Variants in PLOD2 observed in about 807,000 individuals in gnomAD.
PLOD2 encodes lysine hydroxylase 2.
In PLOD2, 65 loss-of-function variants were observed where a neutral mutation model predicts 101.0. The ratio of observed to expected loss-of-function variants is 0.64; its 90% CI spans 0.53 to 0.79. The LOEUF is 0.79. Among genes scored for constraint, PLOD2 ranks in the 30% least tolerant of loss-of-function variants. The pLI is 0.00. For synonymous variants in PLOD2, 314 were observed against 302.9 expected (o/e 1.04, Z -0.38); for missense variants, 909 against 914.6 (o/e 0.99, Z 0.08).
chr3:146,121,375 T>C (rs904545473), intron 2 of PLOD2, 127 bp from the exon 3 acceptor site: 25 of 800,576 alleles, frequency 3.1e-5, no homozygotes, highest in Non-Finnish European at 6.4e-6. Flanking sequence ...TTTCATGGAA[T>C]CATGATTCTA....
chr3:146,143,768 T>C lies in PLOD2; in HGVS notation c.109+17113A>G, dbSNP rs1012859242. On this transcript the variant is annotated intron_variant, in intron 1 of 19. Transcript: ENST00000282903. Reference sequence around the variant, plus strand: ...TCACCAACCAAAAGTCCAGATAAAATAACCTATTCTAATTCACACACATAT... The same window carrying C: ...TCACCAACCAAAAGTCCAGATAAAACAACCTATTCTAATTCACACACATAT... Among the ~76,000 whole-genome samples, 3 of 151,992 alleles carry C rather than the reference T, an allele frequency of 2.0e-5. No homozygotes were observed. The East Asian group carries it at 5.8e-4, about 29-fold the overall frequency.
intron 4 of PLOD2, among the ~76,000 whole-genome samples, chr3:146,107,526 G>A (rs529585922): frequency 1.3e-5 from 2 of 151,192 alleles, no homozygotes; most frequent in South Asian, 2.1e-4. Flanking sequence ...AAAAAAATAG[G>A]TCCAGGGAAA....
intron 7 of PLOD2, among the ~76,000 whole-genome samples, chr3:146,099,266 C>T (rs1474233226): frequency 2.0e-5 from 3 of 152,056 alleles, no homozygotes; most frequent in Admixed American, 2.0e-4. Flanking sequence ...GTGATATGTC[C>T]TTTAGTCACT....
At chr3:146,132,919 C>T (rs773339441) in intron 1 of PLOD2, among the ~76,000 whole-genome samples, 2 of 152,138 alleles carry the variant, frequency 1.3e-5, no homozygotes, top group Admixed American at 1.3e-4. Context: ...TAGCTCATGC[C>T]TGTAATCCCA....
chr3:146,104,168 T>C, intron 6 of PLOD2, 111 bp downstream of exon 6: 1 of 760,488 alleles, frequency 1.3e-6, no homozygotes, highest in Admixed American at 1.8e-5. Flanking sequence ...TTACAATATT[T>C]ACACTGTCGA....
At chr3:146,100,021 A>G (rs1937331128) in intron 7 of PLOD2, among the ~76,000 whole-genome samples, 1 of 151,758 alleles carries the variant, frequency 6.6e-6, no homozygotes, top group African/African-American at 2.4e-5. Flanking sequence ...AGCTGGGATT[A>G]AAGGCATGTG....
intron 1 of PLOD2, among the ~76,000 whole-genome samples, chr3:146,152,651 G>C (rs2032114426): frequency 1.3e-5 from 2 of 152,264 alleles, no homozygotes; most frequent in Admixed American, 1.3e-4. Context: ...AGAAACGCTG[G>C]ACAAGGACAC....
At chr3:146,085,399 G>C (rs1346335286) in intron 10 of PLOD2, 126 bp from the exon 11 acceptor site, 8 of 672,570 alleles carry the variant, frequency 1.2e-5, no homozygotes. Flanking sequence ...GATCAAAATA[G>C]TGGAACAATA....
chr3:146,081,847 G>A lies in PLOD2; in HGVS notation c.1249C>T (p.Leu417Phe), dbSNP rs761902057. ...IEQNRKIIAPLVTRHGKLWSN... is the reference protein window; with the variant it reads ...IEQNRKIIAPFVTRHGKLWSN... ...CACAGCTTTCCATGACGAGTTACAAGAGGAGCAATGATCTTTCTAAAGACA... is the reference window on the plus strand; with the variant it reads ...CACAGCTTTCCATGACGAGTTACAAAAGGAGCAATGATCTTTCTAAAGACA... The change falls in exon 12 of 20, where the codon CTT (leucine) becomes TTT (phenylalanine). Residue 417 changes from leucine to phenylalanine, a missense_variant. By Grantham distance (22) the Leu-to-Phe change is conservative. Transcript: ENST00000282903. 1.9e-6 allele frequency: 3 copies of A among 1,612,578 alleles called. No individual in the cohort carries two copies. The highest frequency in any genetic ancestry group is 1.7e-6 in the Non-Finnish European group (2 of 1,178,842).
chr3:146,090,994 A>G (rs1490332335), intron 8 of PLOD2, among the ~76,000 whole-genome samples: 1 of 151,896 alleles, frequency 6.6e-6, no homozygotes. Context: ...TTTTGGAATA[A>G]AAATGTTGTT....
intron 1 of PLOD2, among the ~76,000 whole-genome samples, chr3:146,126,263 G>T (rs2030551023): frequency 6.6e-6 from 1 of 151,982 alleles, no homozygotes; most frequent in Non-Finnish European, 1.5e-5. Flanking sequence ...TTAAAGAAAG[G>T]TCTGGTTAGT....
intron 7 of PLOD2, among the ~76,000 whole-genome samples, chr3:146,101,089 A>C (rs1030272588): frequency 1.3e-5 from 2 of 152,186 alleles, no homozygotes; most frequent in Non-Finnish European, 2.9e-5. Flanking sequence ...CTGGGTTATA[A>C]GGGGAGGTAA....
Position 146,088,576 on chromosome 3 carries a change from A to G in PLOD2, c.1005+10T>C. The stretch of plus-strand genomic sequence containing the variant: ...TTTTGACATAAAATATTCATTTCTC[A>G]AATACTTACTTTGTTATGAATAAAA... On this transcript the variant is annotated intron_variant, in intron 9 of 19. Transcript: ENST00000282903. The G allele has an allele frequency of 3.3e-6, 5 of 1,529,170 alleles. No homozygotes were observed. The highest frequency in any genetic ancestry group is 9.0e-7 in the Non-Finnish European group (1 of 1,105,448). 94.7% of individuals were successfully genotyped at this position (1,529,170 alleles called of 1,614,324 possible). A position where few individuals can be genotyped will look rare whatever the true frequency, so the allele number is the denominator to read the frequency against.
At chr3:146,130,616 T>G (rs1255302888) in intron 1 of PLOD2, among the ~76,000 whole-genome samples, 1 of 152,138 alleles carries the variant, frequency 6.6e-6, no homozygotes, top group Non-Finnish European at 1.5e-5. Context: ...ATGAAATAAT[T>G]TAACAAAATC....
chr3:146,071,496 TC>T, intron 17 of PLOD2, 73 bp from the exon 18 acceptor site: 3 of 1,370,542 alleles, frequency 2.2e-6, no homozygotes, highest in Non-Finnish European at 3.1e-6. Context: ...GTATTTTTTT[TC>T]AACCACAGAT....
chr3:146,105,745 A>G (rs1937525476), intron 5 of PLOD2, among the ~76,000 whole-genome samples: 1 of 152,212 alleles, frequency 6.6e-6, no homozygotes, highest in South Asian at 2.1e-4. Flanking sequence ...CTACAATGTC[A>G]CAGACTATGT....
intron 3 of PLOD2, among the ~76,000 whole-genome samples, chr3:146,110,775 G>T (rs942791266): frequency 2.0e-5 from 3 of 151,872 alleles, no homozygotes; most frequent in Admixed American, 6.6e-5. Context: ...GTTACTTGTT[G>T]TATAACTTTA....
chr3:146,098,674 T>C (rs1396696802), intron 7 of PLOD2, among the ~76,000 whole-genome samples: 1 of 152,178 alleles, frequency 6.6e-6, no homozygotes, highest in African/African-American at 2.4e-5. Context: ...TCATTTTTTA[T>C]ACTTTAGTAT....
chr3:146,150,552 A>G (rs952974076), intron 1 of PLOD2, among the ~76,000 whole-genome samples: 4 of 152,192 alleles, frequency 2.6e-5, no homozygotes, highest in African/African-American at 9.7e-5. Context: ...AAAGAAAGGA[A>G]CAACAGATAC....
Sources: allele counts gnomAD v4.1 joint callset (sites outside exome capture counted in the v4.1 genomes callset), GRCh38; gene constraint gnomAD v4.1.1; transcripts MANE v1.5; gene names NCBI Gene and HGNC (gene_info 2026-07-23, HGNC 2026-07-21).